Variants in KIAA1217 observed in about 807,000 individuals in gnomAD.
The protein encoded by KIAA1217 is sickle tail protein homolog.
In KIAA1217, 88 loss-of-function variants were observed where a neutral mutation model predicts 163.9. The observed-to-expected ratio is 0.54, with a 90% CI of 0.45 to 0.64. The LOEUF is 0.64. Ranked by LOEUF, KIAA1217 falls within the 30% of genes least tolerant of loss-of-function variation. The probability of loss-of-function intolerance (pLI) is 0.00; values close to 1 mark genes in which losing one functional copy is unlikely to be tolerated. For missense variants in KIAA1217, 2,372 were observed against 2,475.0 expected, an observed-to-expected ratio of 0.96 and a Z score of 0.88; for synonymous variants, 903 against 923.1, an observed-to-expected ratio of 0.98 and a Z score of 0.39.
chr10:24,438,210 C>T (rs1266099416), intron 4 of KIAA1217, among the ~76,000 whole-genome samples, 176 bp from the exon 5 acceptor site: 4 of 152,050 alleles, frequency 2.6e-5, no homozygotes, highest in Non-Finnish European at 5.9e-5. Context: ...TTTTCTTCTT[C>T]TTTTCCGTAT....
chr10:24,543,572 A>T lies in KIAA1217; in HGVS notation c.4302A>T (p.Pro1434=), dbSNP rs1377030727. 2 of 1,614,058 alleles carry T rather than the reference A, an allele frequency of 1.2e-6. No individual in the cohort carries two copies. The highest frequency in any genetic ancestry group is 2.2e-5 in the East Asian group (1 of 44,878). The change falls in exon 19 of 21, where the codon CCA becomes CCT. Residue 1434 remains proline (P), a synonymous_variant. Coordinates refer to ENST00000376454, the MANE Select transcript of KIAA1217 (RefSeq NM_019590.5). ...PRQEGTDNED[P]VVCLDKKPVI... is the part of the protein sequence containing the mutation. Reference sequence around the variant, plus strand: ...AAGAAGGGACTGACAATGAGGATCCAGTCGTGTGCCTGGACAAGAAACCAG... The same window carrying T: ...AAGAAGGGACTGACAATGAGGATCCTGTCGTGTGCCTGGACAAGAAACCAG...
chr10:23,773,439 G>A (rs973548849), intron 1 of KIAA1217, among the ~76,000 whole-genome samples: 3 of 151,370 alleles, frequency 2.0e-5, no homozygotes, highest in East Asian at 3.9e-4. Context: ...TTGACTTGGC[G>A]ATGTGGGCTC....
At position 24,219,840 on chromosome 10, in the gene KIAA1217, A is replaced by G. The variant is rs1454301844; in HGVS notation, c.285A>G (p.Glu95=). 1 of 1,613,786 alleles carries G rather than the reference A, an allele frequency of 6.2e-7. No homozygotes were observed. Among genetic ancestry groups the G allele is most frequent in the Non-Finnish European group, 8.5e-7 (1 of 1,179,800 alleles). The change falls in exon 2 of 21, where the codon GAA becomes GAG. Residue 95 remains glutamate (E), a synonymous_variant. Coordinates refer to ENST00000376454, the MANE Select transcript of KIAA1217 (RefSeq NM_019590.5). ...EMDRKREAFL[E]HLKQKYPHHA... ...ATCGGAAGAGAGAAGCGTTCCTAGA[A>G]CATCTGAAGCAGAAGTACCCCCACC... is the stretch of plus-strand genomic sequence containing the variant.
At chr10:23,940,915 C>T (rs951912573) in intron 1 of KIAA1217, among the ~76,000 whole-genome samples, 3 of 152,212 alleles carry the variant, frequency 2.0e-5, no homozygotes, top group Non-Finnish European at 4.4e-5. Context: ...CATAACATTT[C>T]AATTTCTTAT....
intron 2 of KIAA1217, among the ~76,000 whole-genome samples, chr10:24,367,807 G>A (rs982360725): frequency 6.6e-6 from 1 of 152,248 alleles, no homozygotes; most frequent in African/African-American, 2.4e-5. Flanking sequence ...CCCTGTGGGG[G>A]AGGTATACTA....
chr10:23,932,941 T>C (rs1310171875), intron 1 of KIAA1217, among the ~76,000 whole-genome samples: 1 of 152,204 alleles, frequency 6.6e-6, no homozygotes, highest in Non-Finnish European at 1.5e-5. Context: ...CACCCTTGTT[T>C]TTAGGTTGTT....
intron 2 of KIAA1217, among the ~76,000 whole-genome samples, chr10:24,170,219 C>G (rs2065561686): frequency 6.6e-6 from 1 of 152,174 alleles, no homozygotes; most frequent in Non-Finnish European, 1.5e-5. Context: ...TTTTGCAGCA[C>G]TGGTTGCTTT....
intron 1 of KIAA1217, among the ~76,000 whole-genome samples, chr10:23,915,597 A>G (rs942722957): frequency 2.6e-5 from 4 of 152,170 alleles, no homozygotes; most frequent in African/African-American, 9.7e-5. Context: ...CTAGGGAAAG[A>G]TGGGTAAGGG....
chr10:23,822,881 G>T (rs892373172), intron 1 of KIAA1217, among the ~76,000 whole-genome samples: 4 of 152,094 alleles, frequency 2.6e-5, no homozygotes, highest in Non-Finnish European at 5.9e-5. Flanking sequence ...ACATAACAAT[G>T]ATTGAAAAAT....
intron 3 of KIAA1217, among the ~76,000 whole-genome samples, chr10:24,384,216 G>A (rs1473980578): frequency 6.6e-6 from 1 of 152,172 alleles, no homozygotes; most frequent in Non-Finnish European, 1.5e-5. Context: ...AATCCATAGA[G>A]TTTTAAGTTC....
chr10:24,347,163 G>A lies in KIAA1217; in HGVS notation c.355-33706G>A, dbSNP rs115260182. On this transcript the variant is annotated intron_variant, in intron 2 of 20. Coordinates refer to ENST00000376454, the MANE Select transcript of KIAA1217 (RefSeq NM_019590.5). ...GAAAAAAAGCCAAAAGATAAAGGTC[G>A]CAACCACTTGGTGAGGAATGTTTGC... Among the ~76,000 whole-genome samples, 1,290 of 152,272 alleles carry A rather than the reference G, an allele frequency of 8.5e-3. 14 individuals carry two copies. The highest frequency in any genetic ancestry group is 0.029 in the African/African-American group (1,210 of 41,558).
intron 2 of KIAA1217, among the ~76,000 whole-genome samples, chr10:24,084,363 C>A (rs181648221): frequency 6.6e-6 from 1 of 152,176 alleles, no homozygotes; most frequent in African/African-American, 2.4e-5. Context: ...TCCTCAGTAG[C>A]CAGAAAGGTA....
At chr10:24,545,688 A>G in intron 20 of KIAA1217, 139 bp from the exon 21 acceptor site, 20 of 1,467,444 alleles carry the variant, frequency 1.4e-5, no homozygotes, top group Non-Finnish European at 1.8e-5. Context: ...GCACAACAAG[A>G]CTTAGCTCAG....
intron 1 of KIAA1217, among the ~76,000 whole-genome samples, chr10:23,921,678 G>A (rs773958147): frequency 1.8e-4 from 28 of 152,146 alleles, no homozygotes; most frequent in Non-Finnish European, 3.2e-4. Context: ...CGGGGAGGGT[G>A]TTCAGGGATG....
intron 2 of KIAA1217, among the ~76,000 whole-genome samples, chr10:24,177,394 A>C (rs2065963069): frequency 6.9e-6 from 1 of 144,380 alleles, no homozygotes; most frequent in African/African-American, 2.6e-5. Flanking sequence ...TGTGTCTCAC[A>C]ATTTCTTTAT....
At position 24,498,220 on chromosome 10, in the gene KIAA1217, C is replaced by A. The variant is rs11014116; in HGVS notation, c.1834+3024C>A. On this transcript the variant is annotated intron_variant, in intron 8 of 20. Coordinates refer to ENST00000376454, the MANE Select transcript of KIAA1217 (RefSeq NM_019590.5). ...GCAAGAAGAGAAGTGGACCCAGGGA[C>A]ACAACATATCAGGATTTAAAAGGTT... Among the ~76,000 whole-genome samples, 1,104 of 152,058 alleles carry A rather than the reference C, an allele frequency of 7.3e-3. 38 individuals are homozygous for A. Among genetic ancestry groups the A allele is most frequent in the East Asian group, 0.062 (323 of 5,172 alleles).
chr10:23,871,402 C>T (rs1458269132), intron 1 of KIAA1217, among the ~76,000 whole-genome samples: 1 of 152,082 alleles, frequency 6.6e-6, no homozygotes. Context: ...TCTTCTAAGG[C>T]AGCTCCATAA....
At chr10:24,358,280 G>A (rs2049389047) in intron 2 of KIAA1217, among the ~76,000 whole-genome samples, 2 of 152,124 alleles carry the variant, frequency 1.3e-5, no homozygotes, top group Non-Finnish European at 2.9e-5. Context: ...TCAAGGAACT[G>A]GTCATCCCGA....
intron 1 of KIAA1217, among the ~76,000 whole-genome samples, chr10:23,898,693 A>C (rs770853265): frequency 6.0e-4 from 92 of 152,090 alleles, no homozygotes; most frequent in Non-Finnish European, 1.0e-3. Context: ...CAATCTCCAC[A>C]ACTTTTTTAC....
Sources: allele counts gnomAD v4.1 joint callset (sites outside exome capture counted in the v4.1 genomes callset), GRCh38; gene constraint gnomAD v4.1.1; transcripts MANE v1.5; gene names NCBI Gene and HGNC (gene_info 2026-07-23, HGNC 2026-07-21).